Variants in DIP2B observed in about 807,000 individuals in gnomAD.
DIP2B encodes the protein DIP2 acetate--CoA ligase B (putative).
DIP2B carries 76 observed loss-of-function variants against 198.0 expected under a neutral mutation model. That is an observed-to-expected ratio of 0.38 (90% CI 0.32 to 0.46). The LOEUF is 0.46. Among genes scored for constraint, DIP2B ranks in the 20% least tolerant of loss-of-function variants. The pLI is 0.99. For missense variants in DIP2B, 1,559 were observed against 1,978.4 expected (o/e 0.79, Z 4.02); for synonymous variants, 701 against 739.1 (o/e 0.95, Z 0.84).
At chr12:50,553,355 G>A (rs1958443309) in intron 1 of DIP2B, among the ~76,000 whole-genome samples, 1 of 152,178 alleles carries the variant, frequency 6.6e-6, no homozygotes, top group African/African-American at 2.4e-5. Context: ...ACGACAGATT[G>A]TGTTTGTTTT....
chr12:50,732,316 G>T (rs1940057244), intron 31 of DIP2B, 50 bp from the exon 32 acceptor site: 1 of 1,606,560 alleles, frequency 6.2e-7, no homozygotes, highest in East Asian at 2.2e-5. Context: ...TACCTGTTCA[G>T]TTCTTTTATG....
intron 3 of DIP2B, among the ~76,000 whole-genome samples, chr12:50,652,299 C>T (rs1055083371): frequency 2.7e-5 from 4 of 146,240 alleles, no homozygotes; most frequent in East Asian, 2.0e-4. Context: ...GGCAACAGAG[C>T]GAGACTCTGC....
intron 2 of DIP2B, among the ~76,000 whole-genome samples, chr12:50,627,391 T>G (rs1454653257): frequency 1.3e-5 from 2 of 152,282 alleles, no homozygotes; most frequent in East Asian, 3.9e-4. Flanking sequence ...GGGAGCGCAG[T>G]GGTGCGATCA....
intron 1 of DIP2B, among the ~76,000 whole-genome samples, chr12:50,560,810 G>T (rs1211710905): frequency 6.6e-6 from 1 of 152,134 alleles, no homozygotes; most frequent in Non-Finnish European, 1.5e-5. Context: ...ATCAGAGAAT[G>T]ATCTTTCTCA....
intron 1 of DIP2B, among the ~76,000 whole-genome samples, chr12:50,551,346 C>T (rs894287336): frequency 1.3e-5 from 2 of 152,022 alleles, no homozygotes; most frequent in African/African-American, 4.8e-5. Context: ...TCGCTTGAAC[C>T]TGGGAGGCAG....
intron 1 of DIP2B, among the ~76,000 whole-genome samples, chr12:50,511,309 T>TTTTTTTTTTTTTTTTTA (rs1958014474): frequency 7.2e-6 from 1 of 139,660 alleles, no homozygotes; most frequent in African/African-American, 2.7e-5. Flanking sequence ...TTTTTTTTTT[T>TTTTTTTTTTTTTTTTTA]TTTGAGACAG....
chr12:50,521,290 A>G (rs2139352493), intron 1 of DIP2B, among the ~76,000 whole-genome samples: 1 of 151,380 alleles, frequency 6.6e-6, no homozygotes, highest in South Asian at 2.1e-4. Flanking sequence ...TATTTTTAGT[A>G]GAGAGGGGGT....
chr12:50,537,219 C>T (rs1958278854), intron 1 of DIP2B, among the ~76,000 whole-genome samples: 1 of 146,172 alleles, frequency 6.8e-6, no homozygotes, highest in African/African-American at 2.5e-5. Flanking sequence ...CCTTGGCCTC[C>T]CAAAGTGCTG....
intron 2 of DIP2B, among the ~76,000 whole-genome samples, chr12:50,635,706 CTCCTGGAGTAGTCTGTAACCCTATTT>C: frequency 6.6e-6 from 1 of 152,238 alleles, no homozygotes; most frequent in Non-Finnish European, 1.5e-5. Context: ...CTAATAATGC[CTCCTGGAGTAGTCTGTAACCCTATTT>C]TCCTTAATGT....
In DIP2B at chr12:50,613,576, T is replaced by C. The variant is rs79830323; in HGVS notation, c.101-12400T>C. Among the ~76,000 whole-genome samples, 300 of 152,288 alleles carry C rather than the reference T, an allele frequency of 2.0e-3. 1 individual carries two copies. Among genetic ancestry groups the C allele is most frequent in the African/African-American group, 6.8e-3 (282 of 41,566 alleles). On this transcript the variant is annotated intron_variant, in intron 1 of 37. Transcript: ENST00000301180. ...CTGACAAACACAGAAAATGATAATA[T>C]TTGTTCAATACAGTGGGGTAAAAAG...
chr12:50,564,710 A>G (rs539023788), intron 1 of DIP2B, among the ~76,000 whole-genome samples: 1 of 152,206 alleles, frequency 6.6e-6, no homozygotes, highest in Non-Finnish European at 1.5e-5. Context: ...AGAGTTTAGA[A>G]TATTAGCCTG....
intron 33 of DIP2B, 102 bp downstream of exon 33, chr12:50,734,298 T>G (rs1940099795): frequency 1.7e-6 from 2 of 1,174,000 alleles, no homozygotes; most frequent in Non-Finnish European, 2.5e-6. Flanking sequence ...GTTCATATAT[T>G]CCAGGAGGGG....
At chr12:50,703,266 T>C (rs1193639712) in intron 19 of DIP2B, among the ~76,000 whole-genome samples, 1 of 150,062 alleles carries the variant, frequency 6.7e-6, no homozygotes, top group African/African-American at 2.5e-5. Flanking sequence ...AAATTAACAA[T>C]AGGATATATT....
In DIP2B at chr12:50,504,995, T is replaced by A. The variant is rs372915240; in HGVS notation, c.-146T>A. The stretch of plus-strand genomic sequence containing the variant: ...GGGGCCGTCGCGCTCACGTGACCTT[T>A]GCTCATGGCGGCGGCGGCGGCGGCG... On this transcript the variant is annotated 5_prime_UTR_variant, in exon 1 of 38. Transcript: ENST00000301180. 1.6e-4 allele frequency: 85 copies of A among 542,768 alleles called. 10 individuals carry two copies. The highest frequency in any genetic ancestry group is 1.5e-3 in the South Asian group (85 of 56,348). 33.6% of individuals were successfully genotyped at this position (542,768 alleles called of 1,614,324 possible).
chr12:50,683,606 C>T (rs749636781), intron 10 of DIP2B, among the ~76,000 whole-genome samples: 2 of 151,580 alleles, frequency 1.3e-5, no homozygotes, highest in Admixed American at 6.6e-5. Flanking sequence ...ATGGTGAAAC[C>T]CCGTCTCTAC....
At chr12:50,669,235 C>T (rs1229846846) in intron 4 of DIP2B, among the ~76,000 whole-genome samples, 1 of 152,154 alleles carries the variant, frequency 6.6e-6, no homozygotes, top group Non-Finnish European at 1.5e-5. Context: ...AGGGCACTTA[C>T]TGTGTCATAA....
At chr12:50,605,299 C>T (rs1423155329) in intron 1 of DIP2B, among the ~76,000 whole-genome samples, 2 of 152,106 alleles carry the variant, frequency 1.3e-5, no homozygotes, top group Non-Finnish European at 2.9e-5. Context: ...AAAGAAACCT[C>T]AGCCAGGTAA....
intron 1 of DIP2B, among the ~76,000 whole-genome samples, chr12:50,542,258 AAAAAAAAG>A (rs1369119471): frequency 3.3e-5 from 5 of 151,256 alleles, no homozygotes; most frequent in African/African-American, 1.2e-4. Context: ...CAAAAAAAAA[AAAAAAAAG>A]AAAAAAAAGA....
At chr12:50,544,629 T>TC (rs1958359449) in intron 1 of DIP2B, among the ~76,000 whole-genome samples, 2 of 147,060 alleles carry the variant, frequency 1.4e-5, no homozygotes, top group Non-Finnish European at 3.0e-5. Flanking sequence ...TTTTTCTTTT[T>TC]TTTTTTTTTT....
Sources: allele counts gnomAD v4.1 joint callset (sites outside exome capture counted in the v4.1 genomes callset), GRCh38; gene constraint gnomAD v4.1.1; transcripts MANE v1.5; gene names NCBI Gene and HGNC (gene_info 2026-07-23, HGNC 2026-07-21).